The following CELSR1 variants were observed in gnomAD, a reference collection of about 807,000 sequenced individuals.
The protein encoded by CELSR1 is adhesion G protein-coupled receptor C1.
Under a neutral mutation model 249.1 loss-of-function variants are expected in CELSR1, and 110 were observed. The ratio of observed to expected loss-of-function variants is 0.44; its 90% CI spans 0.38 to 0.52. The LOEUF is 0.52. Ranked by LOEUF, CELSR1 falls within the 20% of genes least tolerant of loss-of-function variation. CELSR1 has a pLI of 0.00. For missense variants in CELSR1, 4,109 were observed against 4,296.4 expected, an observed-to-expected ratio of 0.96 and a Z score of 1.22; for synonymous variants, 2,113 against 1,900.0, an observed-to-expected ratio of 1.11 and a Z score of -2.92.
rs1035756256 is a variant in CELSR1 at position 46,408,198 on chromosome 22, A to C, written c.5226+798T>G. On this transcript the variant is annotated intron_variant, in intron 9 of 34. Coordinates refer to ENST00000674500, the MANE Select transcript of CELSR1 (RefSeq NM_001378328.1). The surrounding 1 kb of genome is among the most constrained non-coding windows in gnomAD (Gnocchi z 4.6). ...TATCCAACAAATAAACTTTTGTTTC[A>C]AATAAACGAAACAGTAAAGATCAAT... Among the ~76,000 whole-genome samples the C allele has an allele frequency of 6.6e-6, 1 of 152,250 alleles. No homozygotes were observed. Among genetic ancestry groups the C allele is most frequent in the Admixed American group, 6.5e-5 (1 of 15,280 alleles).
At chr22:46,388,641 G>A (rs2079056219) in intron 18 of CELSR1, among the ~76,000 whole-genome samples, 1 of 152,194 alleles carries the variant, frequency 6.6e-6, no homozygotes, top group African/African-American at 2.4e-5. Context: ...TGGGGGTCCT[G>A]TCTGGACGAA....
At position 46,535,030 on chromosome 22, in the gene CELSR1, C is replaced by G. The variant is rs142220741; in HGVS notation, c.2141G>C (p.Arg714Pro). Residue 714 changes from arginine to proline, a missense_variant, in exon 1 of 35, where the codon CGT becomes CCT. Around this residue, in one of 7 missense-constraint regions of CELSR1, gnomAD observed 886 missense variants for 896.5 expected, o/e 0.99. Transcript: ENST00000674500. ...SSVLTLQARD[R>P]DANSVITYQL... is the part of the protein sequence containing the mutation. The stretch of plus-strand genomic sequence containing the variant: ...GTAGGTAATCACACTGTTGGCGTCA[C>G]GGTCGCGGGCCTGCAGGGTCAGCAC... 3.1e-6 allele frequency: 5 copies of G among 1,612,356 alleles called. No individual in the cohort carries two copies. Among genetic ancestry groups the G allele is most frequent in the African/African-American group, 2.7e-5 (2 of 74,902 alleles).
At position 46,410,821 on chromosome 22, in the gene CELSR1, G is replaced by A. The variant is rs191261818; in HGVS notation, c.4770-260C>T. ...TGACCACCAAGCCCCGCCCACCCAG[G>A]CTGGTCCACACCGAGACAGGATGTG... On this transcript the variant is annotated intron_variant, in intron 6 of 34. Transcript: ENST00000674500. This position sits in a 1 kb window ranked among gnomAD's most constrained non-coding sequence, Gnocchi z 6.8. Among the ~76,000 whole-genome samples, 6 of 152,150 alleles carry A rather than the reference G, an allele frequency of 3.9e-5. No individual in the cohort carries two copies. The highest frequency in any genetic ancestry group is 7.4e-5 in the Non-Finnish European group (5 of 68,004).
chr22:46,449,647 C>T (rs2079859998), intron 2 of CELSR1, among the ~76,000 whole-genome samples: 1 of 152,134 alleles, frequency 6.6e-6, no homozygotes, highest in South Asian at 2.1e-4. Context: ...ATGGAGTTTC[C>T]ATCTAGGTAA....
chr22:46,384,495 G>A, intron 20 of CELSR1, 48 bp downstream of exon 20: 1 of 1,537,908 alleles, frequency 6.5e-7, no homozygotes, highest in Non-Finnish European at 8.8e-7. Context: ...TCCCCTCCCT[G>A]AACGCTGGGG....
chr22:46,456,370 C>T (rs1439125071), intron 2 of CELSR1, among the ~76,000 whole-genome samples: 3 of 152,130 alleles, frequency 2.0e-5, no homozygotes, highest in African/African-American at 7.2e-5. Flanking sequence ...ATAAGAGAAC[C>T]CAAAATAGGC....
At chr22:46,533,278 C>CCCCAAGCAAA (rs2080810663) in intron 1 of CELSR1, among the ~76,000 whole-genome samples, 1 of 152,194 alleles carries the variant, frequency 6.6e-6, no homozygotes, top group Non-Finnish European at 1.5e-5. Context: ...GAAAGAGCAT[C>CCCCAAGCAAA]TCCAAGCAAA....
In CELSR1 at chr22:46,410,308, A is replaced by T; in HGVS notation, c.4933+90T>A. 1 of 1,502,754 alleles carries T rather than the reference A, an allele frequency of 6.7e-7. No individual in the cohort carries two copies. The highest frequency in any genetic ancestry group is 2.3e-5 in the East Asian group (1 of 43,840). 93.1% of individuals were successfully genotyped at this position (1,502,754 alleles called of 1,614,324 possible). On this transcript the variant is annotated intron_variant, in intron 7 of 34. Coordinates refer to ENST00000674500, the MANE Select transcript of CELSR1 (RefSeq NM_001378328.1). This position sits in a 1 kb window ranked among gnomAD's most constrained non-coding sequence, Gnocchi z 6.8. ...ATTTCTAAGAAAAACACGGCTCCCC[A>T]GGGATCTGCAAGCAGTGACCTCTGT...
intron 5 of CELSR1, among the ~76,000 whole-genome samples, chr22:46,424,240 T>C (rs1373983536): frequency 6.6e-6 from 1 of 151,488 alleles, no homozygotes; most frequent in African/African-American, 2.4e-5. Flanking sequence ...GCTAATTTTT[T>C]TTTTTTTACT....
intron 5 of CELSR1, among the ~76,000 whole-genome samples, chr22:46,425,350 T>C (rs2079524926): frequency 6.6e-6 from 1 of 152,248 alleles, no homozygotes; most frequent in Admixed American, 6.5e-5. Flanking sequence ...GGAAGAGATG[T>C]TGCAGAATTG....
intron 5 of CELSR1, among the ~76,000 whole-genome samples, chr22:46,426,579 A>G (rs903275286): frequency 6.6e-6 from 1 of 152,072 alleles, no homozygotes; most frequent in African/African-American, 2.4e-5. Context: ...ACTTCCTAAT[A>G]CTATCACCTT....
chr22:46,375,536 GCTC>G (rs1049191874), intron 24 of CELSR1, among the ~76,000 whole-genome samples: 5 of 147,138 alleles, frequency 3.4e-5, no homozygotes, highest in East Asian at 2.0e-4. Context: ...CTGCTGCCAG[GCTC>G]TTTTTTTTTT....
At chr22:46,485,086 G>A (rs1036666748) in intron 1 of CELSR1, among the ~76,000 whole-genome samples, 5 of 152,100 alleles carry the variant, frequency 3.3e-5, no homozygotes, top group Admixed American at 6.5e-5. Flanking sequence ...GAAAGATGAC[G>A]CAGGCCTCCC....
chr22:46,460,206 CA>C (rs1288171942), intron 2 of CELSR1, among the ~76,000 whole-genome samples: 1,029 of 55,884 alleles, frequency 0.018, 11 homozygotes, highest in Non-Finnish European at 0.035. Flanking sequence ...CACACACACA[CA>C]CACACACACC....
Position 46,396,298 on chromosome 22 carries a change from C to T in CELSR1, c.5843+307G>A, listed in dbSNP as rs1292575862. Among the ~76,000 whole-genome samples the T allele has an allele frequency of 6.6e-6, 1 of 152,034 alleles. No homozygotes were observed. The highest frequency in any genetic ancestry group is 6.6e-5 in the Admixed American group (1 of 15,256). The stretch of plus-strand genomic sequence containing the variant: ...TGGCGGGCACCTGTAGGACCAGCTA[C>T]TCGGGAGGCCGAGGCAGGAGAATCA... On this transcript the variant is annotated intron_variant, in intron 13 of 34. Transcript: ENST00000674500. The surrounding 1 kb of genome is among the most constrained non-coding windows in gnomAD (Gnocchi z 6.4).
intron 1 of CELSR1, among the ~76,000 whole-genome samples, chr22:46,474,963 C>T (rs750190393): frequency 3.3e-5 from 5 of 152,056 alleles, no homozygotes; most frequent in Non-Finnish European, 7.4e-5. Flanking sequence ...CAGGCAGGCC[C>T]TGGGAAGCCC....
rs933695368 is a variant in CELSR1, at chr22:46,428,156, T to C, written c.4611+5237A>G. 6.6e-6 allele frequency among the ~76,000 whole-genome samples: 1 copy of C among 152,228 alleles called. No homozygotes were observed. Among genetic ancestry groups the C allele is most frequent in the Non-Finnish European group, 1.5e-5 (1 of 68,024 alleles). On this transcript the variant is annotated intron_variant, in intron 5 of 34. Transcript: ENST00000674500. The surrounding 1 kb of genome is among the most constrained non-coding windows in gnomAD (Gnocchi z 5.7). ...AAGCAGAGGCCGGTCCTCCGGTTTG[T>C]TGCAACCGGGCCTCATGCTGTCTTT...
At chr22:46,493,013 A>G (rs1184831916) in intron 1 of CELSR1, among the ~76,000 whole-genome samples, 3 of 152,222 alleles carry the variant, frequency 2.0e-5, no homozygotes, top group Non-Finnish European at 4.4e-5. Context: ...GGAAACCGAG[A>G]TGGGAGGATC....
intron 18 of CELSR1, among the ~76,000 whole-genome samples, chr22:46,387,050 G>A (rs543630740): frequency 6.6e-6 from 1 of 152,044 alleles, no homozygotes; most frequent in African/African-American, 2.4e-5. Context: ...GAGCCACCAC[G>A]CCTGGCCTAG....
Sources: allele counts gnomAD v4.1 joint callset (sites outside exome capture counted in the v4.1 genomes callset), GRCh38; gene constraint gnomAD v4.1.1; regional missense constraint gnomAD v4.1.1; non-coding constraint Gnocchi (gnomAD v3.1); transcripts MANE v1.5; gene names NCBI Gene and HGNC (gene_info 2026-07-23, HGNC 2026-07-21).